The following SLC25A31 variants were observed in gnomAD, a reference collection of about 807,000 sequenced individuals.
SLC25A31 encodes the protein ADP/ATP translocase 4.
A neutral mutation model predicts 36.2 loss-of-function variants in SLC25A31; 40 were observed. The ratio of observed to expected loss-of-function variants is 1.10; its 90% CI spans 0.86 to 1.44. The LOEUF (loss-of-function observed/expected upper bound fraction) is 1.44. SLC25A31 is among the 40% of genes most tolerant of loss of function. The pLI, the probability that SLC25A31 is intolerant of heterozygous loss-of-function variation, is 0.00. For synonymous variants in SLC25A31, 143 were observed against 149.7 expected, an observed-to-expected ratio of 0.96 and a Z score of 0.32; for missense variants, 350 against 397.1, an observed-to-expected ratio of 0.88 and a Z score of 1.01.
intron 2 of SLC25A31, among the ~76,000 whole-genome samples, chr4:127,752,310 A>G (rs571941681): frequency 2.2e-3 from 332 of 152,044 alleles, no homozygotes; most frequent in African/African-American, 7.4e-3. Flanking sequence ...TCAGCAAACT[A>G]TTGCAAGGAC....
At chr4:127,750,928 G>A (rs1180454822) in intron 2 of SLC25A31, among the ~76,000 whole-genome samples, 3 of 152,114 alleles carry the variant, frequency 2.0e-5, no homozygotes, top group South Asian at 4.1e-4. Flanking sequence ...GTAAATGAAT[G>A]ATTTTTAATT....
At chr4:127,765,307 C>T (rs1732220440) in intron 3 of SLC25A31, among the ~76,000 whole-genome samples, 1 of 152,146 alleles carries the variant, frequency 6.6e-6, no homozygotes. Flanking sequence ...GGCTTGCTTC[C>T]CAGCAGTATC....
At chr4:127,764,702 C>A (rs1732207004) in intron 3 of SLC25A31, among the ~76,000 whole-genome samples, 1 of 152,022 alleles carries the variant, frequency 6.6e-6, no homozygotes, top group Admixed American at 6.5e-5. Flanking sequence ...AAATCTCATC[C>A]TAGGGAGTCC....
chr4:127,755,669 C>T (rs1383222612), intron 2 of SLC25A31, among the ~76,000 whole-genome samples: 3 of 152,000 alleles, frequency 2.0e-5, no homozygotes, highest in Non-Finnish European at 4.4e-5. Flanking sequence ...AAAAGAAAAC[C>T]CTTGTATACT....
At chr4:127,746,539 T>C (rs1227870660) in intron 2 of SLC25A31, among the ~76,000 whole-genome samples, 1 of 152,218 alleles carries the variant, frequency 6.6e-6, no homozygotes, top group Non-Finnish European at 1.5e-5. Context: ...TGATCAGTGA[T>C]ACTGAGCCTT....
chr4:127,764,722 T>C (rs1047357478), intron 3 of SLC25A31, among the ~76,000 whole-genome samples: 3 of 152,224 alleles, frequency 2.0e-5, no homozygotes, highest in African/African-American at 7.2e-5. Context: ...CCTTTGCCTC[T>C]ATCCTTACTT....
chr4:127,773,238 A>C, intron 5 of SLC25A31, 148 bp from the exon 6 acceptor site: 1 of 585,380 alleles, frequency 1.7e-6, no homozygotes, highest in Non-Finnish European at 2.7e-6. Context: ...AATGTTCTCT[A>C]ACCACCAGGG....
intron 2 of SLC25A31, among the ~76,000 whole-genome samples, chr4:127,753,598 A>G (rs1433723262): frequency 6.6e-6 from 1 of 152,166 alleles, no homozygotes; most frequent in Non-Finnish European, 1.5e-5. Flanking sequence ...GGATAAATTC[A>G]TAGAAACATA....
chr4:127,744,485 G>A (rs936146315), intron 1 of SLC25A31, among the ~76,000 whole-genome samples, 187 bp from the exon 2 acceptor site: 1 of 152,136 alleles, frequency 6.6e-6, no homozygotes, highest in African/African-American at 2.4e-5. Context: ...TTAAAAAATG[G>A]AATGGGGTTC....
chr4:127,760,827 C>T (rs1578668194), intron 2 of SLC25A31, among the ~76,000 whole-genome samples: 1 of 152,098 alleles, frequency 6.6e-6, no homozygotes, highest in East Asian at 1.9e-4. Context: ...ATCACAAGGT[C>T]AGGAGATCAA....
intron 1 of SLC25A31, among the ~76,000 whole-genome samples, chr4:127,733,495 A>G (rs1308234682): frequency 6.6e-6 from 1 of 152,144 alleles, no homozygotes; most frequent in African/African-American, 2.4e-5. Flanking sequence ...ATTTGTAGCT[A>G]TTGAATCTAT....
In SLC25A31 at chr4:127,750,256, A is replaced by G; in HGVS notation, c.360+5457A>G. On this transcript the variant is annotated intron_variant, in intron 2 of 5. Coordinates refer to ENST00000281154, the MANE Select transcript of SLC25A31 (RefSeq NM_031291.4). ...AAGTATAAACTTAAGTGGTAAAGGT[A>G]TACAGGTGCTCGTCAACTTACAGTA... is the stretch of plus-strand genomic sequence containing the variant. Among the ~76,000 whole-genome samples the G allele has an allele frequency of 1.3e-5, 2 of 152,238 alleles. 1 individual carries two copies.
intron 1 of SLC25A31, among the ~76,000 whole-genome samples, chr4:127,744,152 G>A (rs1371476863): frequency 6.6e-6 from 1 of 152,192 alleles, no homozygotes; most frequent in African/African-American, 2.4e-5. Context: ...GCCTGGAATT[G>A]AAATGGATCC....
chr4:127,744,551 T>G, intron 1 of SLC25A31, 121 bp from the exon 2 acceptor site: 2 of 889,516 alleles, frequency 2.2e-6, no homozygotes, highest in African/African-American at 1.7e-5. Flanking sequence ...TTTAGAAAAC[T>G]TTATTTTTCT....
At position 127,773,861 on chromosome 4, in the gene SLC25A31, TATA is replaced by T. The variant is rs1468098020; in HGVS notation, c.*290_*292del. On this transcript the variant is annotated 3_prime_UTR_variant, in exon 6 of 6. Transcript: ENST00000281154. The stretch of plus-strand genomic sequence containing the variant: ...TCTTTTTATGATTAAAAATTAATCA[TATA>T]ATCCTAGATTAATGCTGAAATCTAG... The T allele has an allele frequency of 6.8e-5, 15 of 220,368 alleles. No homozygotes were observed. The highest frequency in any genetic ancestry group is 2.0e-4 in the East Asian group (2 of 10,248). The allele number at this position is 220,368 out of a possible 1,614,324, so 13.7% of individuals were successfully genotyped here.
rs993524621 is a variant in SLC25A31 at position 127,773,911 on chromosome 4, A to T, written c.*337A>T. On this transcript the variant is annotated 3_prime_UTR_variant, in exon 6 of 6. Coordinates refer to ENST00000281154, the MANE Select transcript of SLC25A31 (RefSeq NM_031291.4). ...CTAGGAAATGAAAGTAGCGTCTTTT[A>T]AATTGCTATTCATTTAATATACCTG... The T allele has an allele frequency of 5.8e-6, 1 of 171,996 alleles. No individual in the cohort carries two copies. Among genetic ancestry groups the T allele is most frequent in the East Asian group, 1.6e-4 (1 of 6,262 alleles). 10.7% of individuals were successfully genotyped at this position (171,996 alleles called of 1,614,324 possible).
At position 127,749,512 on chromosome 4, in the gene SLC25A31, G is replaced by A. The variant is rs533132511; in HGVS notation, c.360+4713G>A. On this transcript the variant is annotated intron_variant, in intron 2 of 5. Coordinates refer to ENST00000281154, the MANE Select transcript of SLC25A31 (RefSeq NM_031291.4). ...TGTAATCCCAGCACTTTTGGAAGCC[G>A]AGCCAGGCGGATCACGAGGTCAGCA... 3.9e-5 allele frequency among the ~76,000 whole-genome samples: 6 copies of A among 152,174 alleles called. No homozygotes were observed. In the East Asian group the frequency reaches 7.7e-4, roughly 20 times the overall value.
intron 1 of SLC25A31, among the ~76,000 whole-genome samples, chr4:127,737,144 AGG>A (rs1731647674): frequency 6.6e-6 from 1 of 152,238 alleles, no homozygotes; most frequent in African/African-American, 2.4e-5. Context: ...ATGGGAAAAG[AGG>A]TTAAAACAAG....
intron 2 of SLC25A31, among the ~76,000 whole-genome samples, chr4:127,759,969 A>G (rs1029553871): frequency 1.3e-5 from 2 of 152,168 alleles, no homozygotes; most frequent in Non-Finnish European, 2.9e-5. Context: ...GTGATGGAAA[A>G]AAGAATACTG....
Sources: allele counts gnomAD v4.1 joint callset (sites outside exome capture counted in the v4.1 genomes callset), GRCh38; gene constraint gnomAD v4.1.1; transcripts MANE v1.5; gene names NCBI Gene and HGNC (gene_info 2026-07-23, HGNC 2026-07-21).